The following ADCY10 variants were observed in gnomAD, a reference collection of about 807,000 sequenced individuals.
ADCY10 encodes the protein adenylate cyclase type 10.
ADCY10 carries 156 observed loss-of-function variants against 183.3 expected under a neutral mutation model. The ratio of observed to expected loss-of-function variants is 0.85; its 90% confidence interval spans 0.75 to 0.97. ADCY10 has a LOEUF of 0.97. Ranked by LOEUF, ADCY10 falls within the 50% of genes least tolerant of loss-of-function variation. The pLI is 0.00. For synonymous variants in ADCY10, 645 were observed against 670.0 expected (o/e 0.96, Z 0.58); for missense variants, 1,745 against 1,934.3 (o/e 0.90, Z 1.84).
intron 14 of ADCY10, among the ~76,000 whole-genome samples, chr1:167,869,875 G>A (rs1257712851): frequency 6.6e-6 from 1 of 152,126 alleles, no homozygotes; most frequent in African/African-American, 2.4e-5. Context: ...GGTGTCTGAG[G>A]GGTTTTGTCT....
chr1:167,905,335 CA>C, intron 1 of ADCY10, 137 bp from the exon 2 acceptor site: 1 of 688,086 alleles, frequency 1.5e-6, no homozygotes, highest in Non-Finnish European at 2.5e-6. Flanking sequence ...AGCCACACTT[CA>C]AAAGGGCCAA....
rs1362088297 is a variant in ADCY10, at chr1:167,823,067, T to G, written c.4109A>C (p.Glu1370Ala). 2 of 1,614,142 alleles carry G rather than the reference T, an allele frequency of 1.2e-6. No homozygotes were observed. The highest frequency in any genetic ancestry group is 1.7e-6 in the Non-Finnish European group (2 of 1,180,012). ...GAAAAATGCCTTGCTGAAGATGTGT[T>G]CCTGTGTTACAGAAAGCTCCCACAG... ...GRLWELSVTQ[E>A]HIFSKAFFYF... Residue 1370 changes from glutamate (E) to alanine (A), a missense_variant, in exon 29 of 33, where the codon GAA becomes GCA. Coordinates refer to ENST00000367851, the MANE Select transcript of ADCY10 (RefSeq NM_018417.6).
rs1665003345 is a variant in ADCY10 at position 167,846,070 on chromosome 1, C to T, written c.2631G>A (p.Lys877=). The T allele has an allele frequency of 6.2e-7, 1 of 1,614,196 alleles. No homozygotes were observed. The highest frequency in any genetic ancestry group is 2.2e-5 in the East Asian group (1 of 44,888). ...SNIFYCFRNG[K]ELQKALKQND... ...TCTGTTTCAGGGCCTTTTGAAGCTCCTTGCCATTCCGGAAACAATAAAAAA... is the reference window on the plus strand; with the variant it reads ...TCTGTTTCAGGGCCTTTTGAAGCTCTTTGCCATTCCGGAAACAATAAAAAA... Residue 877 remains lysine, a synonymous_variant, in exon 20 of 33, where the codon AAG becomes AAA. Coordinates refer to ENST00000367851, the MANE Select transcript of ADCY10 (RefSeq NM_018417.6).
At chr1:167,892,166 T>A (rs1049530048) in intron 8 of ADCY10, among the ~76,000 whole-genome samples, 2 of 152,056 alleles carry the variant, frequency 1.3e-5, no homozygotes, top group Non-Finnish European at 2.9e-5. Context: ...GAGATGAGGT[T>A]TTGCCATGTT....
At chr1:167,875,415 A>G (rs1385933121) in intron 12 of ADCY10, among the ~76,000 whole-genome samples, 1 of 70,322 alleles carries the variant, frequency 1.4e-5, no homozygotes, top group Admixed American at 1.3e-4. Flanking sequence ...CATCTGGCAC[A>G]TTGTTCAATA....
chr1:167,839,190 A>G (rs1304455821), intron 21 of ADCY10, among the ~76,000 whole-genome samples: 1 of 152,226 alleles, frequency 6.6e-6, no homozygotes, highest in African/African-American at 2.4e-5. Flanking sequence ...TCCCAACTCA[A>G]TCTCCATTGT....
chr1:167,901,159 CTATAT>C (rs759409217), intron 5 of ADCY10, among the ~76,000 whole-genome samples: 2 of 152,150 alleles, frequency 1.3e-5, no homozygotes, highest in African/African-American at 4.8e-5. Context: ...GTGACTATTA[CTATAT>C]TATATGTATA....
intron 5 of ADCY10, among the ~76,000 whole-genome samples, chr1:167,900,814 G>A (rs1669366210): frequency 6.6e-6 from 1 of 152,184 alleles, no homozygotes; most frequent in African/African-American, 2.4e-5. Flanking sequence ...TTACAGGTGT[G>A]AGCCACTGCA....
intron 6 of ADCY10, among the ~76,000 whole-genome samples, chr1:167,896,901 T>C (rs1045108591): frequency 2.6e-5 from 4 of 152,226 alleles, no homozygotes; most frequent in Admixed American, 6.5e-5. Context: ...ATCTCAATGT[T>C]TGGTATATGT....
intron 8 of ADCY10, among the ~76,000 whole-genome samples, chr1:167,891,881 A>C (rs954113982): frequency 6.6e-6 from 1 of 152,122 alleles, no homozygotes; most frequent in Non-Finnish European, 1.5e-5. Context: ...ATGCTTCCTA[A>C]TTGCCTAGAA....
At chr1:167,884,694 A>ATT (rs71100911) in intron 8 of ADCY10, among the ~76,000 whole-genome samples, 1,209 of 108,602 alleles carry the variant, frequency 0.011, 31 homozygotes, top group African/African-American at 0.041. Flanking sequence ...AATCATTTTA[A>ATT]TTTTTTTTTT....
At chr1:167,897,503 A>AT (rs1232489924) in intron 6 of ADCY10, among the ~76,000 whole-genome samples, 22 of 125,392 alleles carry the variant, frequency 1.8e-4, no homozygotes, top group African/African-American at 7.1e-4. Context: ...TCTCAAAAAA[A>AT]AATATATATA....
chr1:167,883,082 G>T (rs1298336012), intron 9 of ADCY10, among the ~76,000 whole-genome samples: 1 of 152,254 alleles, frequency 6.6e-6, no homozygotes, highest in African/African-American at 2.4e-5. Context: ...CTATAGCCCA[G>T]GCTGGAGCGC....
intron 23 of ADCY10, among the ~76,000 whole-genome samples, chr1:167,835,626 C>T (rs990731747): frequency 1.6e-4 from 24 of 152,188 alleles, no homozygotes; most frequent in African/African-American, 5.8e-4. Flanking sequence ...CAGTGGCTCA[C>T]ACTTGTAATC....
intron 25 of ADCY10, among the ~76,000 whole-genome samples, chr1:167,831,984 C>G (rs1180293762): frequency 6.6e-6 from 1 of 152,126 alleles, no homozygotes; most frequent in African/African-American, 2.4e-5. Flanking sequence ...GAGCCCACCT[C>G]CAACGTGCAC....
chr1:167,862,538 C>T (rs1571333791), intron 14 of ADCY10, among the ~76,000 whole-genome samples: 1 of 152,164 alleles, frequency 6.6e-6, no homozygotes, highest in African/African-American at 2.4e-5. Context: ...TCTCAGACTC[C>T]TACCCCTGAG....
intron 30 of ADCY10, chr1:167,820,114 T>C: frequency 3.8e-6 from 6 of 1,562,864 alleles, no homozygotes; most frequent in Non-Finnish European, 5.2e-6. Flanking sequence ...CAACGTTTCC[T>C]TTTGGACCAT....
intron 24 of ADCY10, among the ~76,000 whole-genome samples, chr1:167,833,468 G>A (rs1228447566): frequency 2.0e-5 from 3 of 152,144 alleles, no homozygotes; most frequent in Non-Finnish European, 4.4e-5. Flanking sequence ...AACCTGGGCC[G>A]GGCACGGTGG....
chr1:167,832,259 G>A (rs950792566), intron 25 of ADCY10, among the ~76,000 whole-genome samples: 3 of 152,022 alleles, frequency 2.0e-5, no homozygotes, highest in Admixed American at 6.6e-5. Context: ...CTAGATAGGT[G>A]GAATATTTTT....
Sources: allele counts gnomAD v4.1 joint callset (sites outside exome capture counted in the v4.1 genomes callset), GRCh38; gene constraint gnomAD v4.1.1; transcripts MANE v1.5; gene names NCBI Gene and HGNC (gene_info 2026-07-23, HGNC 2026-07-21).